Variants in RANBP2 observed in about 807,000 individuals in gnomAD.
RANBP2 encodes the protein RAN binding protein 2, also known as E3 SUMO-protein ligase RanBP2.
In RANBP2, 57 loss-of-function variants were observed where a neutral mutation model predicts 303.6. The observed-to-expected ratio is 0.19, with a 90% CI of 0.15 to 0.23. RANBP2 has a LOEUF of 0.23. Among genes scored for constraint, RANBP2 ranks in the 10% least tolerant of loss-of-function variants. RANBP2 has a pLI of 1.00. For missense variants in RANBP2, 3,138 were observed against 3,780.8 expected (o/e 0.83, Z 4.46); for synonymous variants, 1,167 against 1,301.5 (o/e 0.90, Z 2.23).
At chr2:109,252,055 T>A in the RANBP2 span, among the ~76,000 whole-genome samples, 1 of 151,018 alleles carries the variant, frequency 6.6e-6, no homozygotes, top group Non-Finnish European at 1.5e-5. Flanking sequence ...GAGATCAGCC[T>A]GGGCAACATA....
the RANBP2 span, among the ~76,000 whole-genome samples, chr2:109,337,212 T>C: frequency 3.1e-4 from 47 of 152,292 alleles, no homozygotes; most frequent in African/African-American, 1.1e-3. Flanking sequence ...TTTAAAGATT[T>C]GTAAAAGCCT....
chr2:108,969,360 T>A, the RANBP2 span, among the ~76,000 whole-genome samples: 2 of 152,192 alleles, frequency 1.3e-5, no homozygotes, highest in Admixed American at 6.5e-5. Flanking sequence ...TTGATCTGTA[T>A]GTGCTGGCTA....
the RANBP2 span, among the ~76,000 whole-genome samples, chr2:109,647,850 T>TA: frequency 1.3e-5 from 2 of 152,192 alleles, no homozygotes; most frequent in Non-Finnish European, 2.9e-5. Context: ...TTGAAAGTCT[T>TA]TGGCAATCTG....
the RANBP2 span, among the ~76,000 whole-genome samples, chr2:109,174,123 T>C: frequency 6.6e-6 from 1 of 152,232 alleles, no homozygotes; most frequent in Non-Finnish European, 1.5e-5. Flanking sequence ...ACAGCAGGGC[T>C]GTGCCATAGG....
chr2:109,607,546 T>C, the RANBP2 span, among the ~76,000 whole-genome samples: 3 of 152,208 alleles, frequency 2.0e-5, no homozygotes, highest in African/African-American at 4.8e-5. Flanking sequence ...ATCTGAAAAA[T>C]GTATATTCTT....
At chr2:108,789,938 T>A (rs1453632476), downstream of RANBP2, among the ~76,000 whole-genome samples, 1 of 152,200 alleles carries the variant, frequency 6.6e-6, no homozygotes, top group Non-Finnish European at 1.5e-5. Flanking sequence ...CATTTTGAAA[T>A]AAAGATGTAT....
the RANBP2 span, chr2:109,667,282 C>T: frequency 1.4e-6 from 1 of 719,272 alleles, no homozygotes; most frequent in Non-Finnish European, 2.5e-6. Context: ...ATAAGCAAGC[C>T]TCATGAAAGG....
the RANBP2 span, among the ~76,000 whole-genome samples, chr2:109,115,614 C>G: frequency 6.6e-6 from 1 of 152,184 alleles, no homozygotes; most frequent in Non-Finnish European, 1.5e-5. Context: ...TTAATTGGAG[C>G]ATTTAGTCCA....
chr2:108,722,509 G>A (rs1295145372), intron 1 of RANBP2, among the ~76,000 whole-genome samples: 1 of 151,600 alleles, frequency 6.6e-6, no homozygotes, highest in Non-Finnish European at 1.5e-5. Flanking sequence ...AACTGCCCAT[G>A]CTTTCTAGAA....
At chr2:109,228,611 G>A in the RANBP2 span, among the ~76,000 whole-genome samples, 1 of 152,086 alleles carries the variant, frequency 6.6e-6, no homozygotes, top group African/African-American at 2.4e-5. Context: ...AGTTGCAAGA[G>A]GTGTCTTCAG....
chr2:109,535,146 G>A, the RANBP2 span, among the ~76,000 whole-genome samples: 3 of 152,216 alleles, frequency 2.0e-5, no homozygotes, highest in South Asian at 6.2e-4. Flanking sequence ...GAAGCGTGGA[G>A]AGAGAATGCA....
the RANBP2 span, among the ~76,000 whole-genome samples, chr2:109,429,566 C>T: frequency 1.3e-5 from 2 of 152,052 alleles, no homozygotes; most frequent in African/African-American, 4.8e-5. Flanking sequence ...AGCCAACATA[C>T]CCCATTCAGG....
At chr2:108,894,044 T>G in the RANBP2 span, among the ~76,000 whole-genome samples, 2 of 152,058 alleles carry the variant, frequency 1.3e-5, no homozygotes, top group African/African-American at 4.8e-5. Flanking sequence ...GTTAAGGTAT[T>G]CCAACAGACA....
chr2:108,726,774 CCTGCAGCCTT>C (rs1391297203), intron 1 of RANBP2, among the ~76,000 whole-genome samples: 3 of 151,766 alleles, frequency 2.0e-5, no homozygotes, highest in Non-Finnish European at 4.4e-5. Flanking sequence ...GGCAGAGGAC[CCTGCAGCCTT>C]CCGCAGTGTT....
Position 108,782,353 on chromosome 2 carries a change from T to A in RANBP2, c.8986T>A (p.Leu2996Ile). 1 of 1,614,190 alleles carries A rather than the reference T, an allele frequency of 6.2e-7. No homozygotes were observed. Among genetic ancestry groups the A allele is most frequent in the Non-Finnish European group, 8.5e-7 (1 of 1,180,032 alleles). The change falls in exon 27 of 29, where the codon TTA (leucine) becomes ATA (isoleucine). Residue 2996 changes from leucine (L) to isoleucine (I), a missense_variant. By Grantham distance (5) the Leu-to-Ile change is conservative (BLOSUM62 2). Transcript: ENST00000283195. ...TACTAAAACAATGGAATTAAAGCCC[T>A]TAAATGTTTCAAATAATGCTTTAGT... ...VITKTMELKP[L>I]NVSNNALVWT... is the part of the protein sequence containing the mutation.
At chr2:109,614,159 G>A in the RANBP2 span, 5 of 1,189,890 alleles carry the variant, frequency 4.2e-6, no homozygotes, top group African/African-American at 3.2e-5. Flanking sequence ...GAGGAATGCA[G>A]GCGGGAACTG....
rs763755757 is a variant in RANBP2 at position 108,766,273 on chromosome 2, A to C, written c.5734A>C (p.Ser1912Arg). ...ISEPGNQEKK[S>R]EKPLENGTGF... ...GGAACCAGGAAATCAAGAAAAGAAA[A>C]GTGAAAAGCCTCTTGAAAATGGTAC... Residue 1912 changes from serine to arginine, a missense_variant, in exon 20 of 29, where the codon AGT becomes CGT. By Grantham distance (110) the Ser-to-Arg change is moderately radical. Around this residue, in one of 20 missense-constraint regions of RANBP2, gnomAD observed 348 missense variants for 360.4 expected, o/e 0.97. Coordinates refer to ENST00000283195, the MANE Select transcript of RANBP2 (RefSeq NM_006267.5). 5.0e-6 allele frequency: 8 copies of C among 1,612,212 alleles called. No homozygotes were observed. Among genetic ancestry groups the C allele is most frequent in the Non-Finnish European group, 6.8e-6 (8 of 1,180,002 alleles).
chr2:108,999,654 T>C, the RANBP2 span, among the ~76,000 whole-genome samples: 1 of 152,252 alleles, frequency 6.6e-6, no homozygotes, highest in Non-Finnish European at 1.5e-5. Flanking sequence ...GGCTGTGTTA[T>C]GTACACTTTT....
the RANBP2 span, among the ~76,000 whole-genome samples, chr2:109,072,446 T>C: frequency 0.41 from 62,036 of 151,946 alleles, 13,168 homozygotes; most frequent in Non-Finnish European, 0.47. Flanking sequence ...ACCACATGCT[T>C]GGGAGAGCAC....
Sources: gnomAD v4.1 joint callset for allele counts (sites outside exome capture counted in the v4.1 genomes callset) on GRCh38, gnomAD v4.1.1 for gene constraint, gnomAD v4.1.1 regional missense constraint, MANE v1.5 for transcripts, NCBI Gene and HGNC (gene_info 2026-07-23, HGNC 2026-07-21) for gene names.